The following ANKRD30B variants were observed in gnomAD, a reference collection of about 807,000 sequenced individuals.
ANKRD30B encodes the protein ankyrin repeat domain-containing protein 30B.
In ANKRD30B, 144 loss-of-function variants were observed where a neutral mutation model predicts 202.2. The observed-to-expected ratio is 0.71, with a 90% CI of 0.62 to 0.82. ANKRD30B has a LOEUF of 0.82. ANKRD30B is among the 40% of genes least tolerant of loss of function. The pLI, the probability that ANKRD30B is intolerant of heterozygous loss-of-function variation, is 0.00. For synonymous variants in ANKRD30B, 508 were observed against 561.3 expected, an observed-to-expected ratio of 0.91 and a Z score of 1.34; for missense variants, 1,487 against 1,669.1, an observed-to-expected ratio of 0.89 and a Z score of 1.90.
the ANKRD30B span, among the ~76,000 whole-genome samples, chr18:14,935,678 G>A: frequency 2.0e-5 from 3 of 152,212 alleles, no homozygotes; most frequent in Non-Finnish European, 2.9e-5. Context: ...TTGCATACGT[G>A]TGTGCATGTG....
intron 24 of ANKRD30B, among the ~76,000 whole-genome samples, chr18:14,805,081 A>T (rs1433517459): frequency 6.6e-6 from 1 of 150,474 alleles, no homozygotes; most frequent in African/African-American, 2.5e-5. Flanking sequence ...ATATATATGT[A>T]TATATTTTGT....
At chr18:14,894,746 A>G in the ANKRD30B span, among the ~76,000 whole-genome samples, 1 of 151,478 alleles carries the variant, frequency 6.6e-6, no homozygotes, top group African/African-American at 2.4e-5. Context: ...TAACCATTAT[A>G]TATTTATATT....
At position 14,837,666 on chromosome 18, in the gene ANKRD30B, C is replaced by T. The variant is rs750857620; in HGVS notation, c.2978C>T (p.Ser993Leu). 38 of 1,538,814 alleles carry T rather than the reference C, an allele frequency of 2.5e-5. No individual in the cohort carries two copies. The South Asian group carries it at 4.3e-4, about 17-fold the overall frequency. Residue 993 changes from serine to leucine, a missense_variant, in exon 36 of 44, where the codon TCA (serine) becomes TTA (leucine). Transcript: ENST00000690538. ...LGRKEDTKST[S>L]DSEIISVSDT... ...AGAAAAGAAGATACAAAATCAACTT[C>T]AGATTCTGAGGTACTGTGTATTGTT...
intron 34 of ANKRD30B, among the ~76,000 whole-genome samples, chr18:14,833,331 C>A (rs1971035291): frequency 6.6e-6 from 1 of 152,116 alleles, no homozygotes; most frequent in African/African-American, 2.4e-5. Context: ...CACTTGCAAG[C>A]CCCACCTCCC....
the ANKRD30B span, among the ~76,000 whole-genome samples, chr18:14,909,426 T>A: frequency 6.6e-6 from 1 of 152,190 alleles, no homozygotes; most frequent in African/African-American, 2.4e-5. Context: ...TTGTTGTTGT[T>A]AGACAGTGTC....
At chr18:14,753,446 G>A (rs1913799406) in intron 3 of ANKRD30B, among the ~76,000 whole-genome samples, 1 of 152,070 alleles carries the variant, frequency 6.6e-6, no homozygotes, top group Admixed American at 6.6e-5. Context: ...GAACGTTCTA[G>A]CTTTACACAA....
chr18:14,766,493 A>AAAAAG lies in ANKRD30B; in HGVS notation c.1225+2428_1225+2432dup, dbSNP rs1209587925. On this transcript the variant is annotated intron_variant, in intron 7 of 43. Coordinates refer to ENST00000690538, the MANE Select transcript of ANKRD30B (RefSeq NM_001367607.2). ...ATCTCAAAAAAAAAAAAAAAAAAAAAAAAAGAAAAGAAAAGAAAAGAAAAG... is the reference window on the plus strand; with the variant it reads ...ATCTCAAAAAAAAAAAAAAAAAAAAAAAAAGAAAAGAAAAGAAAAGAAAAGAAAAG... 8.8e-4 allele frequency among the ~76,000 whole-genome samples: 75 copies of AAAAAG among 85,056 alleles called. 3 individuals are homozygous for AAAAAG. Among genetic ancestry groups the AAAAAG allele is most frequent in the Middle Eastern group, 0.014 (2 of 146 alleles). 55.8% of individuals were successfully genotyped at this position (85,056 alleles called of 152,430 possible). A position where few individuals can be genotyped will look rare whatever the true frequency, so the allele number is the denominator to read the frequency against.
chr18:14,880,529 A>G, the ANKRD30B span, among the ~76,000 whole-genome samples: 1 of 143,624 alleles, frequency 7.0e-6, no homozygotes, highest in Non-Finnish European at 1.5e-5. Context: ...ATGCGTTTCC[A>G]TTTGTTTGTG....
At chr18:14,907,979 C>A in the ANKRD30B span, among the ~76,000 whole-genome samples, 23 of 152,200 alleles carry the variant, frequency 1.5e-4, no homozygotes, top group African/African-American at 5.5e-4. Context: ...AAAAGGCAGA[C>A]AAATTTTATC....
At chr18:14,789,882 T>C (rs1453074915) in intron 15 of ANKRD30B, among the ~76,000 whole-genome samples, 1 of 152,206 alleles carries the variant, frequency 6.6e-6, no homozygotes, top group Non-Finnish European at 1.5e-5. Flanking sequence ...AGGCTCTTTT[T>C]TGGTTACATA....
chr18:14,818,018 G>A (rs1373511242), intron 30 of ANKRD30B, among the ~76,000 whole-genome samples: 1 of 152,040 alleles, frequency 6.6e-6, no homozygotes, highest in African/African-American at 2.4e-5. Context: ...ATATATACTT[G>A]ATATGTCTAA....
chr18:14,879,260 T>A, the ANKRD30B span, among the ~76,000 whole-genome samples: 1 of 151,992 alleles, frequency 6.6e-6, no homozygotes, highest in Non-Finnish European at 1.5e-5. Flanking sequence ...AAAGCCCCTC[T>A]GAATCCTGCC....
At chr18:14,805,420 T>G (rs1194608480) in intron 24 of ANKRD30B, among the ~76,000 whole-genome samples, 1 of 150,960 alleles carries the variant, frequency 6.6e-6, no homozygotes, top group Non-Finnish European at 1.5e-5. Flanking sequence ...TACATCTTCC[T>G]CCATCAGTGG....
chr18:14,789,041 T>G (rs1373615878), intron 15 of ANKRD30B, among the ~76,000 whole-genome samples: 4 of 151,578 alleles, frequency 2.6e-5, no homozygotes, highest in Non-Finnish European at 5.9e-5. Flanking sequence ...TTTCTCCACA[T>G]CCTCTCCAGC....
At chr18:14,856,560 A>T (rs1972114077), downstream of ANKRD30B, among the ~76,000 whole-genome samples, 1 of 121,736 alleles carries the variant, frequency 8.2e-6, no homozygotes. Flanking sequence ...GGCGCTCCTC[A>T]CTTCCCAGAT....
chr18:14,841,932 G>A (rs902195800), intron 37 of ANKRD30B, among the ~76,000 whole-genome samples: 7 of 152,286 alleles, frequency 4.6e-5, no homozygotes, highest in South Asian at 4.1e-4. Context: ...CTATTCAAAT[G>A]AGAGATATTT....
At chr18:14,794,541 G>A (rs1015607127) in intron 16 of ANKRD30B, among the ~76,000 whole-genome samples, 6 of 152,052 alleles carry the variant, frequency 3.9e-5, no homozygotes, top group African/African-American at 1.4e-4. Flanking sequence ...TGAATTAATG[G>A]TATCATTTCC....
chr18:14,804,438 C>G (rs1184143191), intron 24 of ANKRD30B, among the ~76,000 whole-genome samples: 1 of 140,808 alleles, frequency 7.1e-6, no homozygotes, highest in African/African-American at 2.7e-5. Flanking sequence ...TCCGTATAGA[C>G]CGTAAGTTTT....
At chr18:14,757,993 T>C (rs1352012914) in intron 5 of ANKRD30B, 41 bp downstream of exon 5, 1 of 1,539,326 alleles carries the variant, frequency 6.5e-7, no homozygotes, top group African/African-American at 1.4e-5. Context: ...ATTTTATTGT[T>C]TGTTTCAGGG....
Sources: gnomAD v4.1 joint callset for allele counts (sites outside exome capture counted in the v4.1 genomes callset) on GRCh38, gnomAD v4.1.1 for gene constraint, MANE v1.5 for transcripts, NCBI Gene and HGNC (gene_info 2026-07-23, HGNC 2026-07-21) for gene names.